COL12A1: variants seen among roughly 807,000 people sequenced by gnomAD.
The protein encoded by COL12A1 is collagen alpha-1(XII) chain.
Under a neutral mutation model 349.7 loss-of-function variants are expected in COL12A1, and 114 were observed. That is an observed-to-expected ratio of 0.33 (90% confidence interval 0.28 to 0.38). COL12A1 has a LOEUF of 0.38. Among genes scored for constraint, COL12A1 ranks in the 10% least tolerant of loss-of-function variants. The pLI, the probability that COL12A1 is intolerant of heterozygous loss-of-function variation, is 1.00. For synonymous variants in COL12A1, 1,369 were observed against 1,329.0 expected, an observed-to-expected ratio of 1.03 and a Z score of -0.66; for missense variants, 3,284 against 3,756.9, an observed-to-expected ratio of 0.87 and a Z score of 3.29.
At chr6:75,194,724 C>T in intron 3 of COL12A1, 107 bp downstream of exon 3, 1 of 655,026 alleles carries the variant, frequency 1.5e-6, no homozygotes. Context: ...TCAAATCCCT[C>T]AGGCTTCCTA....
rs1767570608 is a variant in COL12A1 at position 75,087,681 on chromosome 6, G to A, written c.9077C>T (p.Pro3026Leu). The A allele has an allele frequency of 6.2e-7, 1 of 1,609,212 alleles. No individual in the cohort carries two copies. Among genetic ancestry groups the A allele is most frequent in the Non-Finnish European group, 8.5e-7 (1 of 1,178,478 alleles). Residue 3026 changes from proline (P) to leucine (L), a missense_variant, in exon 65 of 66, where the codon CCT becomes CTT. Pro to Leu is a moderately conservative substitution (Grantham distance 98). Transcript: ENST00000322507. ...GATACCTGAGTTTCCAGGACGGCCAGGGGGGCCAGGGGGACCTCTTGAACC... is the reference window on the plus strand; with the variant it reads ...GATACCTGAGTTTCCAGGACGGCCAAGGGGGCCAGGGGGACCTCTTGAACC... Reference protein sequence around the residue: ...STGSRGPPGPPGRPGNSGIRG... With the variant: ...STGSRGPPGPLGRPGNSGIRG...
intron 39 of COL12A1, among the ~76,000 whole-genome samples, chr6:75,125,975 T>C (rs1029274310): frequency 6.6e-6 from 1 of 152,130 alleles, no homozygotes; most frequent in Non-Finnish European, 1.5e-5. Context: ...ATAAGCTGCA[T>C]GGAATCTATG....
chr6:75,152,550 C>T, intron 17 of COL12A1, 68 bp from the exon 18 acceptor site: 1 of 1,560,748 alleles, frequency 6.4e-7, no homozygotes, highest in Admixed American at 1.7e-5. Flanking sequence ...CCTTGTCACA[C>T]CTCTACCACT....
Position 75,126,479 on chromosome 6 carries a change from A to T in COL12A1, c.6341-9T>A, listed in dbSNP as rs1562169801. The T allele has an allele frequency of 6.2e-7, 1 of 1,608,342 alleles. No individual in the cohort carries two copies. The highest frequency in any genetic ancestry group is 8.5e-7 in the Non-Finnish European group (1 of 1,175,846). ...AGGAGGAAGGAGTCCCACTGAAAACAAACATTGACACACATTACTGACCTT... is the reference window on the plus strand; with the variant it reads ...AGGAGGAAGGAGTCCCACTGAAAACTAACATTGACACACATTACTGACCTT... On this transcript the variant is annotated splice_polypyrimidine_tract_variant and intron_variant, in intron 38 of 65. Coordinates refer to ENST00000322507, the MANE Select transcript of COL12A1 (RefSeq NM_004370.6).
intron 31 of COL12A1, 52 bp from the exon 32 acceptor site, chr6:75,134,907 T>G (rs1174687847): frequency 7.0e-6 from 11 of 1,566,758 alleles, no homozygotes; most frequent in Non-Finnish European, 9.6e-6. Context: ...TCCATCTCAC[T>G]AATCTGTTAG....
intron 31 of COL12A1, among the ~76,000 whole-genome samples, chr6:75,135,503 G>A (rs528074764): frequency 3.3e-4 from 50 of 152,186 alleles, no homozygotes; most frequent in African/African-American, 9.6e-4. Context: ...GTTTTTATTC[G>A]TTACTTAAGG....
intron 15 of COL12A1, 21 bp downstream of exon 15, chr6:75,156,236 A>G: frequency 6.2e-7 from 1 of 1,611,128 alleles, no homozygotes; most frequent in Non-Finnish European, 8.5e-7. Flanking sequence ...TCCCCCTCAA[A>G]ATATAATTAT....
chr6:75,202,787 C>G lies in COL12A1; in HGVS notation c.6G>C (p.Arg2=), dbSNP rs1223690918. 9.7e-6 allele frequency: 15 copies of G among 1,551,676 alleles called. No homozygotes were observed. In the East Asian group the frequency reaches 1.5e-4, roughly 15 times the overall value. Residue 2 remains arginine, a synonymous_variant, in exon 2 of 66, where the codon CGG becomes CGC. Transcript: ENST00000322507. M[R]SRLPPALAAL... ...CGGCAAGCGCTGGGGGAAGCCTACT[C>G]CGCATCCTTGGCCTCCGAGCTTACA...
At chr6:75,103,857 GGAA>G (rs780413097) in intron 54 of COL12A1, 47 bp from the exon 55 acceptor site, 4 of 1,475,062 alleles carry the variant, frequency 2.7e-6, no homozygotes, top group Non-Finnish European at 3.7e-6. Context: ...GAAAATAGGA[GGAA>G]GTTGATATAC....
intron 14 of COL12A1, 93 bp downstream of exon 14, chr6:75,165,414 A>G: frequency 1.4e-6 from 2 of 1,475,758 alleles, no homozygotes; most frequent in Non-Finnish European, 1.8e-6. Flanking sequence ...ATGTAAAGAA[A>G]AAACATTCAA....
In COL12A1 at chr6:75,200,958, A is replaced by C. The variant is rs569164465; in HGVS notation, c.73+1762T>G. Among the ~76,000 whole-genome samples the C allele has an allele frequency of 2.1e-3, 316 of 151,948 alleles. 1 individual carries two copies. Among genetic ancestry groups the C allele is most frequent in the African/African-American group, 7.0e-3 (292 of 41,474 alleles). ...CAGATTAAGAAGCAAAAAAAAAAAG[A>C]GCTGTACCATATGGAAATAAATACA... On this transcript the variant is annotated intron_variant, in intron 2 of 65. Coordinates refer to ENST00000322507, the MANE Select transcript of COL12A1 (RefSeq NM_004370.6).
At chr6:75,190,565 A>T (rs1238393517) in intron 5 of COL12A1, among the ~76,000 whole-genome samples, 7 of 151,962 alleles carry the variant, frequency 4.6e-5, no homozygotes, top group Non-Finnish European at 7.4e-5. Context: ...TTATCAAAAT[A>T]CAATGATCAG....
intron 30 of COL12A1, among the ~76,000 whole-genome samples, 164 bp from the exon 31 acceptor site, chr6:75,137,743 A>G (rs773300269): frequency 2.6e-5 from 4 of 152,104 alleles, no homozygotes; most frequent in Non-Finnish European, 4.4e-5. Context: ...ACTCCTTAGT[A>G]TGGACTTTCA....
intron 54 of COL12A1, 45 bp downstream of exon 54, chr6:75,105,161 A>G (rs1768485542): frequency 6.6e-7 from 1 of 1,514,708 alleles, no homozygotes; most frequent in Non-Finnish European, 9.1e-7. Context: ...AATCACTCTA[A>G]AGATTTCAAA....
In COL12A1 at chr6:75,184,090, T is replaced by G. The variant is rs1769480678; in HGVS notation, c.1052A>C (p.Lys351Thr). Residue 351 changes from lysine (K) to threonine (T), a missense_variant, in exon 9 of 66, where the codon AAG becomes ACG. Lys to Thr is a moderately conservative substitution (Grantham distance 78). Coordinates refer to ENST00000322507, the MANE Select transcript of COL12A1 (RefSeq NM_004370.6). ...ACTAGGAGATGGATTCCAATTTAGC[T>G]TAACATATTTTGAAGAGACTTCCAT... ...IAMEVSSKYVKLNWNPSPSPV... is the reference protein window; with the variant it reads ...IAMEVSSKYVTLNWNPSPSPV... The G allele has an allele frequency of 3.7e-6, 6 of 1,614,150 alleles. No homozygotes were observed. The East Asian group carries it at 1.3e-4, about 36-fold the overall frequency.
At chr6:75,162,082 T>A (rs1429208351) in intron 14 of COL12A1, among the ~76,000 whole-genome samples, 1 of 152,182 alleles carries the variant, frequency 6.6e-6, no homozygotes, top group Non-Finnish European at 1.5e-5. Flanking sequence ...CTGCCCAAAG[T>A]AATTTATAGA....
chr6:75,097,184 G>T, intron 59 of COL12A1, 69 bp downstream of exon 59: 1 of 1,334,434 alleles, frequency 7.5e-7, no homozygotes, highest in Non-Finnish European at 1.1e-6. Context: ...TTCAAAGGCA[G>T]GTTACTAGCA....
At position 75,085,436 on chromosome 6, in the gene COL12A1, A is replaced by G. The variant is rs1458609864; in HGVS notation, c.*1111T>C. ...CACACACACACACAGCAAAAGCTAA[A>G]TCATCACCCGCGGTGATGGCACTCC... On this transcript the variant is annotated 3_prime_UTR_variant, in exon 66 of 66. Coordinates refer to ENST00000322507, the MANE Select transcript of COL12A1 (RefSeq NM_004370.6). The G allele has an allele frequency of 1.1e-5, 5 of 436,974 alleles. No homozygotes were observed. The highest frequency in any genetic ancestry group is 2.0e-5 in the Non-Finnish European group (4 of 203,620). The allele number at this position is 436,974 out of a possible 1,614,324, so 27.1% of individuals were successfully genotyped here.
chr6:75,133,906 A>C lies in COL12A1; in HGVS notation c.5616T>G (p.Arg1872=). ...VRWDHAEGNP[R]QYKLFYAPAA... The stretch of plus-strand genomic sequence containing the variant: ...CTGGTGCATAGAAGAGCTTGTACTG[A>C]CGAGGATTTCCCTCTGCATGGTCCC... The change falls in exon 33 of 66, where the codon CGT becomes CGG. Residue 1872 remains arginine, a synonymous_variant. Coordinates refer to ENST00000322507, the MANE Select transcript of COL12A1 (RefSeq NM_004370.6). 1 of 1,614,096 alleles carries C rather than the reference A, an allele frequency of 6.2e-7. No homozygotes were observed. Among genetic ancestry groups the C allele is most frequent in the Non-Finnish European group, 8.5e-7 (1 of 1,179,992 alleles).
Sources: allele counts gnomAD v4.1 joint callset (sites outside exome capture counted in the v4.1 genomes callset), GRCh38; gene constraint gnomAD v4.1.1; transcripts MANE v1.5; gene names NCBI Gene and HGNC (gene_info 2026-07-23, HGNC 2026-07-21).